The following DSP variants were observed in gnomAD, a reference collection of about 807,000 sequenced individuals.
DSP encodes the protein 250/210 kDa paraneoplastic pemphigus antigen.
DSP carries 114 observed loss-of-function variants against 290.6 expected under a neutral mutation model. The observed-to-expected ratio is 0.39, with a 90% confidence interval of 0.34 to 0.46. The LOEUF is 0.46. Among genes scored for constraint, DSP ranks in the 20% least tolerant of loss-of-function variants. The pLI is 0.99. For missense variants in DSP, 3,230 were observed against 3,495.8 expected (o/e 0.92, Z 1.92); for synonymous variants, 1,311 against 1,316.4 (o/e 1.00, Z 0.09).
In DSP at chr6:7,585,357, G is replaced by C. The variant is rs1377309647; in HGVS notation, c.8095G>C (p.Glu2699Gln). ...KPAQKAFIGFEGVKGKKKMSA... is the reference protein window; with the variant it reads ...KPAQKAFIGFQGVKGKKKMSA... ...TGCTCAGAAAGCCTTCATAGGCTTC[G>C]AGGGTGTGAAGGGAAAGAAGAAGAT... Residue 2699 changes from glutamate to glutamine, a missense_variant, in exon 24 of 24, where the codon GAG (glutamate) becomes CAG (glutamine). Glu to Gln is a conservative substitution (Grantham distance 29). Transcript: ENST00000379802. The C allele has an allele frequency of 3.1e-6, 5 of 1,614,000 alleles. No homozygotes were observed. The highest frequency in any genetic ancestry group is 3.3e-5 in the Admixed American group (2 of 60,012).
In DSP at chr6:7,575,491, A is replaced by G. The variant is rs1174928581; in HGVS notation, c.2630+3A>G. On this transcript the variant is annotated splice_donor_region_variant and intron_variant, in intron 18 of 23. Coordinates refer to ENST00000379802, the MANE Select transcript of DSP (RefSeq NM_004415.4). Reference sequence around the variant, plus strand: ...ATAGATAAACAGATCGACTTTAGGTATGCCAGCCTCCTCCCGCTCCTTCCC... The same window carrying G: ...ATAGATAAACAGATCGACTTTAGGTGTGCCAGCCTCCTCCCGCTCCTTCCC... 3.1e-6 allele frequency: 5 copies of G among 1,614,182 alleles called. No individual in the cohort carries two copies. The highest frequency in any genetic ancestry group is 2.2e-5 in the East Asian group (1 of 44,888).
intron 1 of DSP, among the ~76,000 whole-genome samples, chr6:7,552,832 G>T (rs926788709): frequency 7.9e-5 from 12 of 152,068 alleles, no homozygotes; most frequent in Non-Finnish European, 1.6e-4. Flanking sequence ...CCAATGTTTG[G>T]TTGCCTTACC....
rs1327447162 is a variant in DSP at position 7,585,789 on chromosome 6, A to C, written c.8527A>C (p.Ser2843Arg). The C allele has an allele frequency of 3.7e-6, 6 of 1,609,272 alleles. No individual in the cohort carries two copies. The highest frequency in any genetic ancestry group is 1.3e-5 in the African/African-American group (1 of 74,472). The change falls in exon 24 of 24, where the codon AGT becomes CGT. Residue 2843 changes from serine to arginine, a missense_variant. Physicochemically the swap from Ser to Arg is moderately radical, Grantham distance 110. This residue lies in a region of DSP where 582 missense variants were observed against 555.4 expected (regional missense o/e 1.05). Coordinates refer to ENST00000379802, the MANE Select transcript of DSP (RefSeq NM_004415.4). Reference protein sequence around the residue: ...SRSGSRSGSRSGSRRGSFDAT... With the variant: ...SRSGSRSGSRRGSRRGSFDAT... ...CTCCGGATCTCGCTCCGGGTCCCGC[A>C]GTGGGTCCCGGAGAGGAAGCTTTGA...
chr6:7,554,244 A>T (rs1758436810), intron 1 of DSP, among the ~76,000 whole-genome samples: 1 of 152,108 alleles, frequency 6.6e-6, no homozygotes, highest in Non-Finnish European at 1.5e-5. Context: ...TTAAATAATC[A>T]CTTGGTCTGC....
Position 7,555,702 on chromosome 6 carries a change from G to C in DSP, c.171-16G>C, listed in dbSNP as rs781777806. The stretch of plus-strand genomic sequence containing the variant: ...AGGTTATTTGATGTCTGGTTTCTCT[G>C]TGTTTGCCTCCTTAGTCAAACCGGC... On this transcript the variant is annotated splice_polypyrimidine_tract_variant and intron_variant, in intron 1 of 23. Transcript: ENST00000379802. 4 of 1,610,372 alleles carry C rather than the reference G, an allele frequency of 2.5e-6. No homozygotes were observed. Among genetic ancestry groups the C allele is most frequent in the Non-Finnish European group, 3.4e-6 (4 of 1,176,722 alleles).
At chr6:7,548,928 G>A (rs2299035) in intron 1 of DSP, among the ~76,000 whole-genome samples, 32,943 of 152,174 alleles carry the variant, frequency 0.22, 3,712 homozygotes, top group East Asian at 0.33. Context: ...CCTTATTTAT[G>A]TTGTTAGGTT....
chr6:7,567,316 T>C (rs1256225293), intron 8 of DSP, 38 bp from the exon 9 acceptor site: 1 of 1,553,768 alleles, frequency 6.4e-7, no homozygotes, highest in Non-Finnish European at 8.9e-7. Flanking sequence ...TCTGTACAAC[T>C]GAGCTAGGCT....
Position 7,584,036 on chromosome 6 carries a change from C to G in DSP, c.6774C>G (p.Ser2258Arg). The G allele has an allele frequency of 6.2e-7, 1 of 1,614,176 alleles. No homozygotes were observed. The highest frequency in any genetic ancestry group is 1.1e-5 in the South Asian group (1 of 91,072). The change falls in exon 24 of 24, where the codon AGC becomes AGG. Residue 2258 changes from serine (S) to arginine (R), a missense_variant. This residue lies in a region of DSP where 207 missense variants were observed against 281.2 expected (regional missense o/e 0.74). Coordinates refer to ENST00000379802, the MANE Select transcript of DSP (RefSeq NM_004415.4). This position sits in a 1 kb window ranked among gnomAD's most constrained non-coding sequence, Gnocchi z 6.4. ...TTAAGGACTTCCTCCAGGGTTCAAG[C>G]TGCATAGCAGGCATATACAATGAGA... ...ERIKDFLQGS[S>R]CIAGIYNETT...
chr6:7,569,149 T>G (rs371318677), intron 11 of DSP, 37 bp from the exon 12 acceptor site: 4 of 1,613,928 alleles, frequency 2.5e-6, no homozygotes, highest in African/African-American at 1.3e-5. Flanking sequence ...CACATACTTA[T>G]GAATAAAGCC....
Position 7,580,012 on chromosome 6 carries a change from C to T in DSP, c.3822C>T (p.Ala1274=), listed in dbSNP as rs1759370826. The T allele has an allele frequency of 6.2e-7, 1 of 1,614,114 alleles. No individual in the cohort carries two copies. Among genetic ancestry groups the T allele is most frequent in the Non-Finnish European group, 8.5e-7 (1 of 1,180,022 alleles). ...AGCGAAGGCGAGCTGAAGAAAACGC[C>T]CTTCAGCAAAAGGCCTGTGGCTCTG... ...TEQRRRAEEN[A]LQQKACGSEI... is the part of the protein sequence containing the mutation. The change falls in exon 23 of 24, where the codon GCC becomes GCT. Residue 1274 remains alanine, a synonymous_variant. Transcript: ENST00000379802. The surrounding 1 kb of genome is among the most constrained non-coding windows in gnomAD (Gnocchi z 4.2).
chr6:7,545,907 A>G (rs1758158726), intron 1 of DSP, among the ~76,000 whole-genome samples: 1 of 152,216 alleles, frequency 6.6e-6, no homozygotes, highest in African/African-American at 2.4e-5. Flanking sequence ...ATTCTCTCTG[A>G]GCAGGGAGGC....
chr6:7,567,014 C>T (rs1758883302), intron 8 of DSP, among the ~76,000 whole-genome samples: 1 of 152,186 alleles, frequency 6.6e-6, no homozygotes, highest in Non-Finnish European at 1.5e-5. Context: ...ATTCAGCAAT[C>T]CTCCAGGAAC....
intron 1 of DSP, among the ~76,000 whole-genome samples, chr6:7,549,551 G>A (rs1758272499): frequency 6.6e-6 from 1 of 152,182 alleles, no homozygotes; most frequent in South Asian, 2.1e-4. Context: ...AATAGTATAT[G>A]TGAAAAATGC....
chr6:7,567,331 CAGCTGACATTT>C lies in DSP; in HGVS notation c.1045-22_1045-12del. On this transcript the variant is annotated splice_polypyrimidine_tract_variant and intron_variant, in intron 8 of 23. Coordinates refer to ENST00000379802, the MANE Select transcript of DSP (RefSeq NM_004415.4). ...TCTGTACAACTGAGCTAGGCTAAGA[CAGCTGACATTT>C]TCTTGTTTCAGGCCTATATGGACAC... is the stretch of plus-strand genomic sequence containing the variant. The C allele has an allele frequency of 6.2e-7, 1 of 1,601,566 alleles. No homozygotes were observed.
chr6:7,549,881 GTTA>G (rs997414844), intron 1 of DSP, among the ~76,000 whole-genome samples: 4 of 152,132 alleles, frequency 2.6e-5, no homozygotes, highest in African/African-American at 9.7e-5. Context: ...GAGCAACATA[GTTA>G]TTATAAAAGT....
Position 7,571,939 on chromosome 6 carries a change from G to T in DSP, c.2001G>T (p.Trp667Cys). The T allele has an allele frequency of 6.2e-7, 1 of 1,614,110 alleles. No individual in the cohort carries two copies. The highest frequency in any genetic ancestry group is 8.5e-7 in the Non-Finnish European group (1 of 1,180,030). The change falls in exon 15 of 24, where the codon TGG becomes TGT. Residue 667 changes from tryptophan (W) to cysteine (C), a missense_variant. Transcript: ENST00000379802. ...TNRENDKQET[W>C]MLMELQKIRR... ...GAGAAAATGACAAGCAAGAAACATGGATGCTGATGGAGCTGCAGAAGATTC... is the reference window on the plus strand; with the variant it reads ...GAGAAAATGACAAGCAAGAAACATGTATGCTGATGGAGCTGCAGAAGATTC...
chr6:7,568,302 A>AC, intron 10 of DSP, 135 bp from the exon 11 acceptor site: 1 of 1,009,776 alleles, frequency 9.9e-7, no homozygotes, highest in Non-Finnish European at 1.5e-6. Context: ...CTGCCGACGA[A>AC]TTTGTGATTT....
In DSP at chr6:7,542,078, G is replaced by A. The variant is rs1214660308; in HGVS notation, c.163G>A (p.Gly55Ser). ...CGTGATCACCGACCAGAACTCGGACGGCTACTGGTGGGTACCTGCCCGGAG... is the reference window on the plus strand; with the variant it reads ...CGTGATCACCGACCAGAACTCGGACAGCTACTGGTGGGTACCTGCCCGGAG... Reference protein sequence around the residue: ...RGVITDQNSDGYCQTGTMSRH... With the variant: ...RGVITDQNSDSYCQTGTMSRH... Residue 55 changes from glycine to serine, a missense_variant, in exon 1 of 24, where the codon GGC becomes AGC. Around this residue, in one of 5 missense-constraint regions of DSP, gnomAD observed 646 missense variants for 684.3 expected, o/e 0.94. Transcript: ENST00000379802. The A allele has an allele frequency of 1.3e-6, 2 of 1,560,992 alleles. No homozygotes were observed. Among genetic ancestry groups the A allele is most frequent in the East Asian group, 2.4e-5 (1 of 41,702 alleles).
chr6:7,567,177 C>G (rs1758887519), intron 8 of DSP, among the ~76,000 whole-genome samples, 177 bp from the exon 9 acceptor site: 1 of 152,146 alleles, frequency 6.6e-6, no homozygotes, highest in Non-Finnish European at 1.5e-5. Flanking sequence ...TTAGTTTTGA[C>G]CATACCAAGA....
Sources: allele counts gnomAD v4.1 joint callset (sites outside exome capture counted in the v4.1 genomes callset), GRCh38; gene constraint gnomAD v4.1.1; regional missense constraint gnomAD v4.1.1; non-coding constraint Gnocchi (gnomAD v3.1); transcripts MANE v1.5; gene names NCBI Gene and HGNC (gene_info 2026-07-23, HGNC 2026-07-21).